Variants in EMG1 observed in about 807,000 individuals in gnomAD.
EMG1 encodes EMG1 N1-specific pseudouridine methyltransferase, also known as ribosomal RNA small subunit methyltransferase NEP1.
In EMG1, 24 loss-of-function variants were observed where a neutral mutation model predicts 26.9. That is an observed-to-expected ratio of 0.89 (90% CI 0.65 to 1.26). The LOEUF (loss-of-function observed/expected upper bound fraction) is 1.26. Ranked by LOEUF, EMG1 falls within the 50% of genes most tolerant of loss-of-function variation. The pLI, the probability that EMG1 is intolerant of heterozygous loss-of-function variation, is 0.00. For synonymous variants in EMG1, 140 were observed against 112.6 expected, an observed-to-expected ratio of 1.24 and a Z score of -1.54; for missense variants, 299 against 307.6, an observed-to-expected ratio of 0.97 and a Z score of 0.21.
At chr12:6,981,698 T>C, downstream of EMG1, 5 of 1,411,970 alleles carry the variant, frequency 3.5e-6, no homozygotes, top group Non-Finnish European at 4.9e-6. Flanking sequence ...GCCTGTAGAC[T>C]GAGTGCAGCC....
chr12:6,977,047 C>T lies in EMG1; in HGVS notation c.*1238C>T, dbSNP rs782690248. 1.2e-6 allele frequency: 1 copy of T among 849,518 alleles called. No individual in the cohort carries two copies. The highest frequency in any genetic ancestry group is 1.5e-5 in the South Asian group (1 of 67,000). The allele number at this position is 849,518 out of a possible 1,614,324, so 52.6% of individuals were successfully genotyped here. On this transcript the variant is annotated 3_prime_UTR_variant, in exon 6 of 6. Transcript: ENST00000599672. The surrounding 1 kb of genome is among the most constrained non-coding windows in gnomAD (Gnocchi z 4.5). ...GCCAGGCTAATCCTTGGAATTCACC[C>T]CAGATTTCTAATACTATTGTTTTTT...
chr12:6,975,821 C>G lies in EMG1; in HGVS notation c.*12C>G. The G allele has an allele frequency of 6.7e-7, 1 of 1,497,676 alleles. No individual in the cohort carries two copies. The highest frequency in any genetic ancestry group is 1.4e-5 in the African/African-American group (1 of 72,718). The allele number at this position is 1,497,676 out of a possible 1,614,324, so 92.8% of individuals were successfully genotyped here. A position where few individuals can be genotyped will look rare whatever the true frequency, so the allele number is the denominator to read the frequency against. On this transcript the variant is annotated 3_prime_UTR_variant, in exon 6 of 6. Coordinates refer to ENST00000599672, the MANE Select transcript of EMG1 (RefSeq NM_006331.8). ...GGGGGGTCATTTGACAGTAGTAGAA[C>G]CTGTTCTGAAACCAGAAACTGTTGA...
At chr12:6,981,950 C>A (rs782327663), downstream of EMG1, 11 of 961,836 alleles carry the variant, frequency 1.1e-5, no homozygotes, top group Non-Finnish European at 1.9e-5. Context: ...ACTATTTCTT[C>A]TCCTTGCTCT....
downstream of EMG1, among the ~76,000 whole-genome samples, chr12:6,989,520 G>T (rs1448809848): frequency 6.6e-5 from 10 of 151,832 alleles, no homozygotes; most frequent in African/African-American, 1.9e-4. Context: ...CCGTGGTCTC[G>T]ATCTCCTGAC....
chr12:6,990,528 A>C (rs1404204555), downstream of EMG1, among the ~76,000 whole-genome samples: 6 of 115,504 alleles, frequency 5.2e-5, no homozygotes, highest in Admixed American at 4.8e-4. Context: ...ATTAAAATAA[A>C]ATAAATAAAT....
chr12:6,973,970 C>T (rs73264610), intron 1 of EMG1, among the ~76,000 whole-genome samples: 12,223 of 152,318 alleles, frequency 0.08, 671 homozygotes, highest in African/African-American at 0.14. Context: ...AGCATTCAGC[C>T]TTGCTAACTA....
downstream of EMG1, chr12:6,988,514 C>G (rs1268419865): frequency 1.3e-5 from 2 of 152,192 alleles, no homozygotes; most frequent in African/African-American, 4.8e-5. Flanking sequence ...GGGTGTGACC[C>G]TACAAGATGT....
chr12:6,997,236 G>T (rs1003651264), exon 8 of EMG1: 1 of 152,202 alleles, frequency 6.6e-6, no homozygotes, highest in East Asian at 1.9e-4. Flanking sequence ...ACTTCACTCT[G>T]TTGCCCAGGC....
chr12:6,986,532 C>G (rs1487393733), intron 6 of EMG1, among the ~76,000 whole-genome samples: 1 of 152,090 alleles, frequency 6.6e-6, no homozygotes, highest in Non-Finnish European at 1.5e-5. Context: ...TGCCTGTAAT[C>G]TCAGCACTTT....
chr12:6,977,749 G>C lies in EMG1; in HGVS notation c.*1940G>C. On this transcript the variant is annotated 3_prime_UTR_variant, in exon 6 of 6. Coordinates refer to ENST00000599672, the MANE Select transcript of EMG1 (RefSeq NM_006331.8). The surrounding 1 kb of genome is among the most constrained non-coding windows in gnomAD (Gnocchi z 4.5). The stretch of plus-strand genomic sequence containing the variant: ...CTTGAGTCGTTTGAAGATGTAGCTG[G>C]AGAAAAGGGTGGGTGGGGCGACCCT... 6.2e-7 allele frequency: 1 copy of C among 1,613,972 alleles called. No homozygotes were observed. The highest frequency in any genetic ancestry group is 1.1e-5 in the South Asian group (1 of 91,020).
At chr12:6,982,196 A>G (rs1946477679), downstream of EMG1, among the ~76,000 whole-genome samples, 1 of 151,918 alleles carries the variant, frequency 6.6e-6, no homozygotes, top group South Asian at 2.1e-4. Flanking sequence ...CCCAGGCTGG[A>G]GGGCTAATTT....
chr12:6,981,859 C>T (rs1192279719), downstream of EMG1: 2 of 1,613,878 alleles, frequency 1.2e-6, no homozygotes, highest in Non-Finnish European at 1.7e-6. Context: ...CACTTGATAT[C>T]GTAGTTGCCG....
intron 5 of EMG1, 152 bp from the exon 6 acceptor site, chr12:6,975,544 G>A (rs1299229526): frequency 2.2e-5 from 21 of 959,588 alleles, no homozygotes; most frequent in Non-Finnish European, 3.2e-5. Context: ...ATAATTGGAA[G>A]TCACAGTTAG....
downstream of EMG1, chr12:6,980,683 G>A (rs1591546508): frequency 5.7e-6 from 1 of 174,576 alleles, no homozygotes; most frequent in Non-Finnish European, 1.2e-5. Flanking sequence ...CTATCAACCT[G>A]CCTACCTACC....
chr12:6,974,404 G>A lies in EMG1; in HGVS notation c.234G>A (p.Arg78=). ...KHKSILLKNG[R]DPGEARPDIT... ...AGTCTATATTGTTGAAGAATGGACG[G>A]GACCCTGGGGAAGCGCGGCCAGATA... is the stretch of plus-strand genomic sequence containing the variant. Residue 78 remains arginine (R), a synonymous_variant, in exon 2 of 6, where the codon CGG becomes CGA. Transcript: ENST00000599672. The A allele has an allele frequency of 6.2e-7, 1 of 1,613,786 alleles. No homozygotes were observed. The highest frequency in any genetic ancestry group is 8.5e-7 in the Non-Finnish European group (1 of 1,179,762).
rs1555153303 is a variant in EMG1 at position 6,977,104 on chromosome 12, G to A, written c.*1295G>A. ...CTGTTGCTCTATTCTGTAACCTGGT[G>A]GTAGTTTTAGTTTAGCTGTATTAAC... is the stretch of plus-strand genomic sequence containing the variant. On this transcript the variant is annotated 3_prime_UTR_variant, in exon 6 of 6. Transcript: ENST00000599672. The surrounding 1 kb of genome is among the most constrained non-coding windows in gnomAD (Gnocchi z 4.5). 7.7e-7 allele frequency: 1 copy of A among 1,292,188 alleles called. No individual in the cohort carries two copies. Among genetic ancestry groups the A allele is most frequent in the South Asian group, 1.2e-5 (1 of 84,442 alleles). 80.0% of individuals were successfully genotyped at this position (1,292,188 alleles called of 1,614,324 possible).
At chr12:6,988,773 T>A (rs139176842), downstream of EMG1, among the ~76,000 whole-genome samples, 1 of 152,112 alleles carries the variant, frequency 6.6e-6, no homozygotes, top group African/African-American at 2.4e-5. Context: ...AGCTTGGAGA[T>A]TGGGGTTGAT....
Position 6,977,120 on chromosome 12 carries a change from C to T in EMG1, c.*1311C>T, listed in dbSNP as rs782306758. ...TAACCTGGTGGTAGTTTTAGTTTAG[C>T]TGTATTAACTTACCAGGGAAATGGA... On this transcript the variant is annotated 3_prime_UTR_variant, in exon 6 of 6. Coordinates refer to ENST00000599672, the MANE Select transcript of EMG1 (RefSeq NM_006331.8). This position sits in a 1 kb window ranked among gnomAD's most constrained non-coding sequence, Gnocchi z 4.5. The T allele has an allele frequency of 6.9e-7, 1 of 1,443,724 alleles. No individual in the cohort carries two copies. Among genetic ancestry groups the T allele is most frequent in the Non-Finnish European group, 9.8e-7 (1 of 1,025,576 alleles). The allele number at this position is 1,443,724 out of a possible 1,614,324, so 89.4% of individuals were successfully genotyped here.
intron 7 of EMG1, among the ~76,000 whole-genome samples, chr12:6,995,918 T>G (rs1324167913): frequency 6.6e-6 from 1 of 152,190 alleles, no homozygotes; most frequent in African/African-American, 2.4e-5. Context: ...CAATGTATTA[T>G]CATTATATAC....
Sources: allele counts gnomAD v4.1 joint callset (sites outside exome capture counted in the v4.1 genomes callset), GRCh38; gene constraint gnomAD v4.1.1; non-coding constraint Gnocchi (gnomAD v3.1); transcripts MANE v1.5; gene names NCBI Gene and HGNC (gene_info 2026-07-23, HGNC 2026-07-21).